SAMD3: variants seen among roughly 807,000 people sequenced by gnomAD.
SAMD3 encodes the protein sterile alpha motif domain containing 3.
Under a neutral mutation model 58.5 loss-of-function variants are expected in SAMD3, and 63 were observed. The observed-to-expected ratio is 1.08, with a 90% CI of 0.88 to 1.33. The LOEUF (loss-of-function observed/expected upper bound fraction) is 1.33. Among genes scored for constraint, SAMD3 ranks in the 40% most tolerant of loss-of-function variants. SAMD3 has a pLI of 0.00. For missense variants in SAMD3, 604 were observed against 608.4 expected (o/e 0.99, Z 0.08); for synonymous variants, 220 against 210.3 (o/e 1.05, Z -0.40).
chr6:130,318,252 A>C (rs1776454257), intron 1 of SAMD3, among the ~76,000 whole-genome samples: 1 of 152,260 alleles, frequency 6.6e-6, no homozygotes, highest in East Asian at 1.9e-4. Flanking sequence ...GGCCTGGACT[A>C]TCACTGCTCT....
intron 2 of SAMD3, among the ~76,000 whole-genome samples, chr6:130,239,871 C>T (rs1003317309): frequency 6.6e-6 from 1 of 152,166 alleles, no homozygotes; most frequent in African/African-American, 2.4e-5. Flanking sequence ...TGTGGGTTGA[C>T]CGGAAGACAA....
At chr6:130,284,263 TA>T (rs1304321662) in intron 2 of SAMD3, among the ~76,000 whole-genome samples, 1 of 152,186 alleles carries the variant, frequency 6.6e-6, no homozygotes, top group African/African-American at 2.4e-5. Flanking sequence ...AGAAGATGAG[TA>T]ATTTTTATTA....
At chr6:130,210,195 C>A (rs981250934) in intron 4 of SAMD3, among the ~76,000 whole-genome samples, 2 of 152,206 alleles carry the variant, frequency 1.3e-5, no homozygotes, top group African/African-American at 4.8e-5. Flanking sequence ...AGAACAACAA[C>A]AAAAAGCAAC....
chr6:130,269,931 C>T (rs1469866694), intron 2 of SAMD3, among the ~76,000 whole-genome samples: 8 of 151,870 alleles, frequency 5.3e-5, no homozygotes. Flanking sequence ...GATCCATGGA[C>T]TATTTGGAAG....
chr6:130,292,818 C>T (rs1268511171), intron 2 of SAMD3, among the ~76,000 whole-genome samples: 3 of 151,742 alleles, frequency 2.0e-5, no homozygotes, highest in Non-Finnish European at 4.4e-5. Flanking sequence ...CGGGGTTTCA[C>T]TGTGTTAGCC....
At chr6:130,305,742 G>A (rs1775892552) in intron 2 of SAMD3, among the ~76,000 whole-genome samples, 1 of 152,120 alleles carries the variant, frequency 6.6e-6, no homozygotes, top group East Asian at 1.9e-4. Flanking sequence ...TTGAAATCTT[G>A]GAATAAATAC....
At position 130,236,384 on chromosome 6, in the gene SAMD3, CT is replaced by C. The variant is rs777968481; in HGVS notation, c.-187-13572del. ...AAGAAGAAAGCAAGAAAATGATTGA[CT>C]TTTTTTTTTTTTTTCCGAGATGGAG... is the stretch of plus-strand genomic sequence containing the variant. On this transcript the variant is annotated intron_variant, in intron 2 of 13. Coordinates refer to the SAMD3 transcript ENST00000368134. 7.5e-4 allele frequency among the ~76,000 whole-genome samples: 105 copies of C among 139,726 alleles called. 1 individual carries two copies. The highest frequency in any genetic ancestry group is 4.0e-3 in the Middle Eastern group (1 of 252). 91.7% of individuals were successfully genotyped at this position (139,726 alleles called of 152,430 possible).
intron 1 of SAMD3, among the ~76,000 whole-genome samples, chr6:130,340,651 G>T (rs1777240529): frequency 6.6e-6 from 1 of 152,180 alleles, no homozygotes; most frequent in African/African-American, 2.4e-5. Context: ...AAAGTAAAAT[G>T]AAAATAGATT....
rs749128439 is a variant in SAMD3, at chr6:130,144,593, T to C, written c.1490A>G (p.Asp497Gly). The C allele has an allele frequency of 3.3e-5, 54 of 1,614,010 alleles. No individual in the cohort carries two copies. Among genetic ancestry groups the C allele is most frequent in the Non-Finnish European group, 4.2e-5 (49 of 1,180,000 alleles). The stretch of plus-strand genomic sequence containing the variant: ...AGAAGGAAAATAAGGACTGTGCATA[T>C]CGAAAATCAGCGTTTCTAGGAAGTT... ...TFNFLETLIF[D>G]MHSPYFPSLK... is the part of the protein sequence containing the mutation. Residue 497 changes from aspartate to glycine, a missense_variant, in exon 12 of 12, where the codon GAT (aspartate) becomes GGT (glycine). Coordinates refer to ENST00000439090, the MANE Select transcript of SAMD3 (RefSeq NM_001017373.4).
chr6:130,363,551 A>G (rs1023984580), intron 1 of SAMD3, among the ~76,000 whole-genome samples: 1 of 152,192 alleles, frequency 6.6e-6, no homozygotes, highest in African/African-American at 2.4e-5. Flanking sequence ...TATATGTTCA[A>G]TCACATATGT....
intron 2 of SAMD3, among the ~76,000 whole-genome samples, chr6:130,254,831 G>A (rs1028003832): frequency 2.0e-5 from 3 of 151,852 alleles, no homozygotes. Context: ...TGAAGAATTG[G>A]TATTAGTTCT....
chr6:130,301,977 C>G (rs1775763304), intron 2 of SAMD3, among the ~76,000 whole-genome samples: 1 of 151,986 alleles, frequency 6.6e-6, no homozygotes, highest in South Asian at 2.1e-4. Flanking sequence ...AATTTATGAC[C>G]TCAAAATATG....
At chr6:130,191,892 C>G (rs531150338) in intron 5 of SAMD3, among the ~76,000 whole-genome samples, 1 of 152,214 alleles carries the variant, frequency 6.6e-6, no homozygotes, top group Non-Finnish European at 1.5e-5. Flanking sequence ...ATTCTCAGAT[C>G]CAGTCCAGAC....
Position 130,154,944 on chromosome 6 carries a change from A to G in SAMD3, c.904T>C (p.Trp302Arg), listed in dbSNP as rs553683601. Residue 302 changes from tryptophan to arginine, a missense_variant, in exon 9 of 12, where the codon TGG becomes CGG. By Grantham distance (101) the Trp-to-Arg change is moderately radical. Transcript: ENST00000439090. ...QQEYVKTEKD[W>R]REIDKRMSQT... Reference sequence around the variant, plus strand: ...CTCATTCTCTTGTCAATTTCTCTCCAGTCCTTTTCTGTTTTCACGTATTCT... The same window carrying G: ...CTCATTCTCTTGTCAATTTCTCTCCGGTCCTTTTCTGTTTTCACGTATTCT... The G allele has an allele frequency of 6.2e-6, 10 of 1,613,474 alleles. No individual in the cohort carries two copies. In the South Asian group the frequency reaches 9.9e-5, roughly 16 times the overall value.
intron 1 of SAMD3, among the ~76,000 whole-genome samples, chr6:130,320,822 G>A (rs1261114829): frequency 3.9e-5 from 6 of 152,154 alleles, no homozygotes; most frequent in South Asian, 2.1e-4. Flanking sequence ...GCAGGTCCAT[G>A]TCTACCTTCC....
chr6:130,359,625 G>A (rs1777928882), intron 1 of SAMD3, among the ~76,000 whole-genome samples: 1 of 152,122 alleles, frequency 6.6e-6, no homozygotes, highest in African/African-American at 2.4e-5. Context: ...GCAGCTATGT[G>A]CTTACAAAGA....
At chr6:130,160,614 G>T (rs892779409) in intron 8 of SAMD3, 1 of 152,072 alleles carries the variant, frequency 6.6e-6, no homozygotes, top group Non-Finnish European at 1.5e-5. Context: ...AACCATAGAC[G>T]GCCAGGGTTT....
rs950862132 is a variant in SAMD3, at chr6:130,365,081, G to C, written c.-304+39C>G. On this transcript the variant is annotated intron_variant, in intron 1 of 13. Transcript: ENST00000368134. ...GGCTGGCCTGCACAGGGGGTGGTTG[G>C]AATATCCGGTAATTAGTTTTACATG... 8 of 740,270 alleles carry C rather than the reference G, an allele frequency of 1.1e-5. No individual in the cohort carries two copies. The African/African-American group carries it at 1.5e-4, about 14-fold the overall frequency. 45.9% of individuals were successfully genotyped at this position (740,270 alleles called of 1,614,324 possible). A position where few individuals can be genotyped will look rare whatever the true frequency, so the allele number is the denominator to read the frequency against.
intron 2 of SAMD3, among the ~76,000 whole-genome samples, chr6:130,306,263 G>C (rs1216651839): frequency 6.6e-6 from 1 of 151,980 alleles, no homozygotes; most frequent in Non-Finnish European, 1.5e-5. Context: ...GAAAAATATA[G>C]GATCATTTTA....
Sources: gnomAD v4.1 joint callset for allele counts (sites outside exome capture counted in the v4.1 genomes callset) on GRCh38, gnomAD v4.1.1 for gene constraint, MANE v1.5 for transcripts, NCBI Gene and HGNC (gene_info 2026-07-23, HGNC 2026-07-21) for gene names.